TNFRSF19: variants seen among roughly 807,000 people sequenced by gnomAD.
TNFRSF19 encodes TNF receptor superfamily member 19.
Under a neutral mutation model 46.4 loss-of-function variants are expected in TNFRSF19, and 27 were observed. The ratio of observed to expected loss-of-function variants is 0.58; its 90% CI spans 0.43 to 0.80. The LOEUF (loss-of-function observed/expected upper bound fraction) is 0.80. TNFRSF19 is among the 30% of genes least tolerant of loss of function. TNFRSF19 has a pLI of 0.00. For missense variants in TNFRSF19, 511 were observed against 530.8 expected (o/e 0.96, Z 0.37); for synonymous variants, 204 against 205.0 (o/e 1.00, Z 0.04).
At chr13:23,613,053 G>T (rs1041700004) in intron 3 of TNFRSF19, among the ~76,000 whole-genome samples, 2 of 152,160 alleles carry the variant, frequency 1.3e-5, no homozygotes, top group African/African-American at 4.8e-5. Context: ...AGAAAATTAT[G>T]ATTTCTTTTT....
intron 9 of TNFRSF19, among the ~76,000 whole-genome samples, chr13:23,672,861 G>T (rs1470391291): frequency 6.6e-6 from 1 of 152,158 alleles, no homozygotes; most frequent in Non-Finnish European, 1.5e-5. Context: ...TGTTATAAGA[G>T]AAATCTTATT....
intron 4 of TNFRSF19, among the ~76,000 whole-genome samples, chr13:23,625,037 T>A (rs542949412): frequency 9.8e-4 from 149 of 151,720 alleles, no homozygotes; most frequent in Non-Finnish European, 1.8e-3. Flanking sequence ...CAGGCGTGAG[T>A]CACTGCGCCT....
chr13:23,662,396 T>A (rs1884426984), intron 7 of TNFRSF19, among the ~76,000 whole-genome samples: 1 of 152,214 alleles, frequency 6.6e-6, no homozygotes, highest in African/African-American at 2.4e-5. Flanking sequence ...TGCCTGTTTT[T>A]GTACTAGTAC....
intron 1 of TNFRSF19, among the ~76,000 whole-genome samples, chr13:23,578,372 T>A (rs1878109930): frequency 6.7e-6 from 1 of 149,810 alleles, no homozygotes; most frequent in East Asian, 2.0e-4. Context: ...AGGTGTGACA[T>A]CGGGAATAAT....
intron 1 of TNFRSF19, among the ~76,000 whole-genome samples, chr13:23,576,136 C>CT (rs368860825): frequency 0.029 from 4,110 of 140,534 alleles, 70 homozygotes; most frequent in African/African-American, 0.042. Flanking sequence ...TCACAGAATT[C>CT]TTTTTTTTTT....
intron 5 of TNFRSF19, among the ~76,000 whole-genome samples, chr13:23,646,257 C>A (rs2048077298): frequency 1.3e-5 from 2 of 152,200 alleles, no homozygotes; most frequent in Non-Finnish European, 2.9e-5. Context: ...TTCCTATTAG[C>A]TTTCTTTTTA....
At position 23,673,977 on chromosome 13, in the gene TNFRSF19, A is replaced by C. The variant is rs1256715600; in HGVS notation, c.*597A>C. On this transcript the variant is annotated 3_prime_UTR_variant, in exon 10 of 10. Transcript: ENST00000248484. Reference sequence around the variant, plus strand: ...ATCTTGGGTTTATTAGATGAAGTTTACTGAATCAGAGGAATCAGACAGAGG... The same window carrying C: ...ATCTTGGGTTTATTAGATGAAGTTTCCTGAATCAGAGGAATCAGACAGAGG... 1 of 152,182 alleles carries C rather than the reference A, an allele frequency of 6.6e-6. No homozygotes were observed. Among genetic ancestry groups the C allele is most frequent in the Admixed American group, 6.5e-5 (1 of 15,282 alleles). The allele number at this position is 152,182 out of a possible 1,614,324, so 9.4% of individuals were successfully genotyped here.
intron 1 of TNFRSF19, among the ~76,000 whole-genome samples, chr13:23,571,180 T>A (rs1489542595): frequency 6.6e-6 from 1 of 152,224 alleles, no homozygotes; most frequent in African/African-American, 2.4e-5. Context: ...TGAGCTATAA[T>A]TGCTCTAAGT....
chr13:23,582,789 T>A (rs1306725891), intron 1 of TNFRSF19, among the ~76,000 whole-genome samples: 1 of 152,214 alleles, frequency 6.6e-6, no homozygotes, highest in Admixed American at 6.5e-5. Flanking sequence ...TTTTCTAGAA[T>A]TTCATATAAA....
chr13:23,597,316 T>G (rs1280051346), intron 3 of TNFRSF19, among the ~76,000 whole-genome samples: 1 of 152,008 alleles, frequency 6.6e-6, no homozygotes, highest in Non-Finnish European at 1.5e-5. Context: ...AGCTGTTTTT[T>G]TTAAAAGATT....
At position 23,593,396 on chromosome 13, in the gene TNFRSF19, G is replaced by T. The variant is rs1308602495; in HGVS notation, c.121G>T (p.Asp41Tyr). ...AGACTGTAGACAGCAAGAATTCAGG[G>T]ATCGGTCTGGAAACTGTGTTCCCTG... The part of the protein sequence containing the change: ...SGDCRQQEFR[D>Y]RSGNCVPCNQ... Residue 41 changes from aspartate (D) to tyrosine (Y), a missense_variant, in exon 3 of 10, where the codon GAT (aspartate) becomes TAT (tyrosine). By Grantham distance (160) the Asp-to-Tyr change is radical. Around this residue, in one of 3 missense-constraint regions of TNFRSF19, gnomAD observed 121 missense variants for 124.1 expected, o/e 0.98. Coordinates refer to ENST00000248484, the MANE Select transcript of TNFRSF19 (RefSeq NM_148957.4). The T allele has an allele frequency of 8.7e-6, 14 of 1,600,958 alleles. No individual in the cohort carries two copies.
chr13:23,650,320 G>T (rs1566211788), intron 5 of TNFRSF19, among the ~76,000 whole-genome samples: 1 of 152,160 alleles, frequency 6.6e-6, no homozygotes, highest in Non-Finnish European at 1.5e-5. Context: ...CTATTCACAA[G>T]AGCCAAAGCT....
chr13:23,669,248 A>C (rs958779180), intron 9 of TNFRSF19, 151 bp downstream of exon 9: 8 of 1,405,966 alleles, frequency 5.7e-6, no homozygotes, highest in Non-Finnish European at 7.4e-6. Context: ...TTTTAAAATA[A>C]ATTTCAAGTA....
intron 3 of TNFRSF19, among the ~76,000 whole-genome samples, chr13:23,611,258 C>A (rs1423420669): frequency 1.3e-5 from 2 of 152,148 alleles, no homozygotes; most frequent in Non-Finnish European, 2.9e-5. Context: ...AGGACTGTTG[C>A]AGTAGAGGAA....
chr13:23,626,394 A>G (rs964625687), intron 4 of TNFRSF19, among the ~76,000 whole-genome samples: 9 of 152,086 alleles, frequency 5.9e-5, no homozygotes, highest in African/African-American at 1.9e-4. Context: ...TTATTCATTT[A>G]TAAGGTATTT....
intron 1 of TNFRSF19, among the ~76,000 whole-genome samples, chr13:23,589,838 G>A (rs886910697): frequency 6.6e-6 from 1 of 150,750 alleles, no homozygotes; most frequent in Non-Finnish European, 1.5e-5. Context: ...ATTTCATGCT[G>A]AGTGAAGTAG....
intron 5 of TNFRSF19, among the ~76,000 whole-genome samples, chr13:23,628,925 C>T (rs1281774920): frequency 6.6e-6 from 1 of 152,180 alleles, no homozygotes; most frequent in Non-Finnish European, 1.5e-5. Flanking sequence ...TGGTAGTCTT[C>T]AGTGAGCATG....
At chr13:23,601,171 A>C (rs1215633426) in intron 3 of TNFRSF19, among the ~76,000 whole-genome samples, 1 of 152,186 alleles carries the variant, frequency 6.6e-6, no homozygotes, top group Non-Finnish European at 1.5e-5. Flanking sequence ...AGCAAGATAA[A>C]TGCCCAAAAA....
At chr13:23,572,690 TA>T (rs1422700390) in intron 1 of TNFRSF19, among the ~76,000 whole-genome samples, 3 of 152,200 alleles carry the variant, frequency 2.0e-5, no homozygotes, top group Non-Finnish European at 4.4e-5. Context: ...TGTTTACTTC[TA>T]GTGTCATTGT....
Sources: gnomAD v4.1 joint callset for allele counts (sites outside exome capture counted in the v4.1 genomes callset) on GRCh38, gnomAD v4.1.1 for gene constraint, gnomAD v4.1.1 regional missense constraint, MANE v1.5 for transcripts, NCBI Gene and HGNC (gene_info 2026-07-23, HGNC 2026-07-21) for gene names.